Variants in CENPF observed in about 807,000 individuals in gnomAD.
CENPF encodes the protein centromere protein F.
In CENPF, 214 loss-of-function variants were observed where a neutral mutation model predicts 307.3. That is an observed-to-expected ratio of 0.70 (90% CI 0.62 to 0.78). CENPF has a LOEUF of 0.78. Among genes scored for constraint, CENPF ranks in the 30% least tolerant of loss-of-function variants. CENPF has a pLI of 0.00. For missense variants in CENPF, 3,401 were observed against 3,483.9 expected (o/e 0.98, Z 0.60); for synonymous variants, 1,259 against 1,270.6 (o/e 0.99, Z 0.19).
intron 5 of CENPF, among the ~76,000 whole-genome samples, chr1:214,619,585 T>C (rs1014114164): frequency 6.6e-6 from 1 of 152,214 alleles, no homozygotes; most frequent in Non-Finnish European, 1.5e-5. Flanking sequence ...GCTTCCTATA[T>C]AGTCCTTTTG....
Position 214,640,414 on chromosome 1 carries a change from G to A in CENPF, c.2076G>A (p.Glu692=). Residue 692 remains glutamate, a synonymous_variant, in exon 12 of 20, where the codon GAG becomes GAA. Coordinates refer to ENST00000366955, the MANE Select transcript of CENPF (RefSeq NM_016343.4). ...ACGTGTTAGACAGTAAGTCAGTGGA[G>A]GTAGAGACCCAGAAACTAGCTTATA... ...LHNVLDSKSV[E]VETQKLAYME... The A allele has an allele frequency of 6.2e-7, 1 of 1,614,028 alleles. No homozygotes were observed. The highest frequency in any genetic ancestry group is 1.1e-5 in the South Asian group (1 of 91,064).
chr1:214,625,501 G>A (rs777718200), intron 7 of CENPF, among the ~76,000 whole-genome samples: 12 of 152,132 alleles, frequency 7.9e-5, no homozygotes, highest in Non-Finnish European at 1.5e-4. Context: ...GATTACAGAC[G>A]TGAGCCACTG....
At chr1:214,613,210 T>C in intron 1 of CENPF, 1 of 244,902 alleles carries the variant, frequency 4.1e-6, no homozygotes, top group East Asian at 1.0e-4. Flanking sequence ...TAAGGCTGTA[T>C]ACTTGATTTT....
At chr1:214,621,117 G>A (rs765153805) in intron 6 of CENPF, among the ~76,000 whole-genome samples, 171 bp downstream of exon 6, 2 of 152,160 alleles carry the variant, frequency 1.3e-5, no homozygotes, top group Non-Finnish European at 2.9e-5. Context: ...ATGATAAAAG[G>A]CATCATAGTG....
intron 16 of CENPF, 58 bp from the exon 17 acceptor site, chr1:214,655,183 T>C: frequency 9.2e-7 from 1 of 1,085,742 alleles, no homozygotes; most frequent in East Asian, 2.6e-5. Context: ...TAATTATTTT[T>C]CCATATGCTT....
At chr1:214,649,550 A>G (rs1280487016) in intron 14 of CENPF, among the ~76,000 whole-genome samples, 1 of 152,230 alleles carries the variant, frequency 6.6e-6, no homozygotes, top group East Asian at 1.9e-4. Flanking sequence ...AATCACAGAA[A>G]TTTGAAATGA....
chr1:214,657,930 A>G (rs1045405224), intron 18 of CENPF, among the ~76,000 whole-genome samples: 1 of 152,226 alleles, frequency 6.6e-6, no homozygotes, highest in African/African-American at 2.4e-5. Context: ...TTAAGTAGGA[A>G]TTTAGAAATT....
At chr1:214,608,827 G>T (rs1277347968) in intron 1 of CENPF, 7 of 1,594,064 alleles carry the variant, frequency 4.4e-6, no homozygotes, top group South Asian at 2.2e-5. Flanking sequence ...CTCACTCAGC[G>T]ACAGCCCGTT....
chr1:214,630,398 T>C (rs576933624), intron 8 of CENPF, 136 bp from the exon 9 acceptor site: 3 of 1,031,446 alleles, frequency 2.9e-6, no homozygotes, highest in South Asian at 3.3e-5. Context: ...TGTTCATCGT[T>C]AAGTGGACAG....
At chr1:214,609,189 G>A (rs538044567) in intron 1 of CENPF, among the ~76,000 whole-genome samples, 1 of 151,930 alleles carries the variant, frequency 6.6e-6, no homozygotes, top group East Asian at 2.0e-4. Context: ...CATCGCCACC[G>A]CCGCAGCTCC....
In CENPF at chr1:214,622,216, G is replaced by C. The variant is rs1297912374; in HGVS notation, c.1003G>C (p.Val335Leu). 6.2e-7 allele frequency: 1 copy of C among 1,614,070 alleles called. No individual in the cohort carries two copies. Among genetic ancestry groups the C allele is most frequent in the African/African-American group, 1.3e-5 (1 of 75,032 alleles). ...AKVELIEKEKVLNKCRDELVR... is the reference protein window; with the variant it reads ...AKVELIEKEKLLNKCRDELVR... ...AGTGGAATTAATTGAAAAAGAGAAA[G>C]TTTTGAACAAATGTAGGGATGAACT... The change falls in exon 7 of 20, where the codon GTT becomes CTT. Residue 335 changes from valine (V) to leucine (L), a missense_variant. Transcript: ENST00000366955.
intron 7 of CENPF, among the ~76,000 whole-genome samples, chr1:214,623,492 C>G (rs915926385): frequency 1.3e-5 from 2 of 152,128 alleles, no homozygotes; most frequent in African/African-American, 4.8e-5. Flanking sequence ...TGTACACCCA[C>G]CACTGAATCT....
chr1:214,630,989 A>G (rs1657791927), intron 9 of CENPF, among the ~76,000 whole-genome samples: 1 of 152,134 alleles, frequency 6.6e-6, no homozygotes, highest in South Asian at 2.1e-4. Flanking sequence ...TAATCACTTT[A>G]CTTATTTAAG....
At position 214,646,272 on chromosome 1, in the gene CENPF, T is replaced by C; in HGVS notation, c.6702T>C (p.Ser2234=). 1 of 1,614,080 alleles carries C rather than the reference T, an allele frequency of 6.2e-7. No homozygotes were observed. Among genetic ancestry groups the C allele is most frequent in the Non-Finnish European group, 8.5e-7 (1 of 1,180,020 alleles). Residue 2234 remains serine, a synonymous_variant, in exon 13 of 20, where the codon TCT becomes TCC. Transcript: ENST00000366955. ...GQLSELDKLL[S]SFKSLLEEKE... ...TGTCAGAACTAGACAAGTTACTCTC[T>C]TCATTTAAAAGTCTGTTAGAAGAAA... is the stretch of plus-strand genomic sequence containing the variant.
In CENPF at chr1:214,640,253, A is replaced by G. The variant is rs1249839904; in HGVS notation, c.1915A>G (p.Asn639Asp). 1 of 1,613,286 alleles carries G rather than the reference A, an allele frequency of 6.2e-7. No homozygotes were observed. The highest frequency in any genetic ancestry group is 8.5e-7 in the Non-Finnish European group (1 of 1,179,894). ...AACTCAGATGGAATCAGAAAAGGAA[A>G]ACTTGCAGAGTAAAATTAATCACTT... ...LLTQMESEKE[N>D]LQSKINHLET... Residue 639 changes from asparagine to aspartate, a missense_variant, in exon 12 of 20, where the codon AAC becomes GAC. Coordinates refer to ENST00000366955, the MANE Select transcript of CENPF (RefSeq NM_016343.4).
intron 9 of CENPF, among the ~76,000 whole-genome samples, chr1:214,630,966 G>C (rs1657791555): frequency 6.6e-6 from 1 of 152,138 alleles, no homozygotes; most frequent in African/African-American, 2.4e-5. Context: ...AGTAGTTAAA[G>C]CACTGAAAAT....
Position 214,640,409 on chromosome 1 carries a change from G to A in CENPF, c.2071G>A (p.Val691Met), listed in dbSNP as rs376964760. The A allele has an allele frequency of 6.2e-7, 1 of 1,613,972 alleles. No individual in the cohort carries two copies. The highest frequency in any genetic ancestry group is 8.5e-7 in the Non-Finnish European group (1 of 1,180,020). ...NLHNVLDSKSVEVETQKLAYM... is the reference protein window; with the variant it reads ...NLHNVLDSKSMEVETQKLAYM... ...TCACAACGTGTTAGACAGTAAGTCAGTGGAGGTAGAGACCCAGAAACTAGC... is the reference window on the plus strand; with the variant it reads ...TCACAACGTGTTAGACAGTAAGTCAATGGAGGTAGAGACCCAGAAACTAGC... Residue 691 changes from valine (V) to methionine (M), a missense_variant, in exon 12 of 20, where the codon GTG becomes ATG. Physicochemically the swap from Val to Met is conservative, Grantham distance 21 (BLOSUM62 1). Coordinates refer to ENST00000366955, the MANE Select transcript of CENPF (RefSeq NM_016343.4).
At chr1:214,648,044 C>A in intron 13 of CENPF, 1 of 445,954 alleles carries the variant, frequency 2.2e-6, no homozygotes, top group South Asian at 1.6e-5. Flanking sequence ...AGTGAGCTTA[C>A]TTAGTGATCT....
chr1:214,637,632 A>G (rs941913891), intron 10 of CENPF, among the ~76,000 whole-genome samples: 1 of 152,224 alleles, frequency 6.6e-6, no homozygotes, highest in Non-Finnish European at 1.5e-5. Flanking sequence ...AAGTTCAATG[A>G]AACTTCTTGA....
Sources: gnomAD v4.1 joint callset for allele counts (sites outside exome capture counted in the v4.1 genomes callset) on GRCh38, gnomAD v4.1.1 for gene constraint, MANE v1.5 for transcripts, NCBI Gene and HGNC (gene_info 2026-07-23, HGNC 2026-07-21) for gene names.